SLMAP: variants seen among roughly 807,000 people sequenced by gnomAD.
The protein encoded by SLMAP is sarcolemma associated protein, also known as sarcolemmal membrane-associated protein.
A neutral mutation model predicts 128.8 loss-of-function variants in SLMAP; 44 were observed. The observed-to-expected ratio is 0.34, with a 90% CI of 0.27 to 0.44. SLMAP has a LOEUF of 0.44. Among genes scored for constraint, SLMAP ranks in the 20% least tolerant of loss-of-function variants. SLMAP has a pLI of 1.00. For missense variants in SLMAP, 787 were observed against 985.3 expected, an observed-to-expected ratio of 0.80 and a Z score of 2.69; for synonymous variants, 327 against 348.8, an observed-to-expected ratio of 0.94 and a Z score of 0.70.
In SLMAP at chr3:57,895,027, C is replaced by T. The variant is rs371142418; in HGVS notation, c.1361-1484C>T. Among the ~76,000 whole-genome samples the T allele has an allele frequency of 1.1e-4, 17 of 151,974 alleles. No homozygotes were observed. In the East Asian group the frequency reaches 2.7e-3, roughly 24 times the overall value. Reference sequence around the variant, plus strand: ...ATGCCATAGGCCAGGTGTGGTGGCTCACACCTGTAATTCTAGCACTTGGGA... The same window carrying T: ...ATGCCATAGGCCAGGTGTGGTGGCTTACACCTGTAATTCTAGCACTTGGGA... On this transcript the variant is annotated intron_variant, in intron 15 of 24. Transcript: ENST00000671191.
chr3:57,901,365 G>A (rs1287966860), intron 17 of SLMAP: 1 of 152,266 alleles, frequency 6.6e-6, no homozygotes, highest in Non-Finnish European at 1.5e-5. Context: ...AGCAGTCAAA[G>A]AAAAGAGAAT....
chr3:57,774,156 T>G (rs1360563233), intron 2 of SLMAP, among the ~76,000 whole-genome samples: 2 of 152,240 alleles, frequency 1.3e-5, no homozygotes, highest in East Asian at 3.8e-4. Context: ...AAACTGATAC[T>G]CTAAACTGAG....
chr3:57,905,330 G>A lies in SLMAP; in HGVS notation c.1502-2554G>A, dbSNP rs191438204. On this transcript the variant is annotated intron_variant, in intron 17 of 24. Transcript: ENST00000671191. Reference sequence around the variant, plus strand: ...AGAGTCTCACTCTGTTGCCCAGGCTGGAGTGCAGTGGCATGATCTCGGCTC... The same window carrying A: ...AGAGTCTCACTCTGTTGCCCAGGCTAGAGTGCAGTGGCATGATCTCGGCTC... Among the ~76,000 whole-genome samples the A allele has an allele frequency of 3.2e-3, 483 of 152,100 alleles. 3 individuals carry two copies. Among genetic ancestry groups the A allele is most frequent in the African/African-American group, 0.011 (462 of 41,512 alleles).
rs1380641886 is a variant in SLMAP, at chr3:57,909,143, T to A, written c.1692T>A (p.Val564=). Residue 564 remains valine, a synonymous_variant, in exon 19 of 25, where the codon GTT becomes GTA. Coordinates refer to ENST00000671191, the MANE Select transcript of SLMAP (RefSeq NM_001377540.1). ...QVEESTKQIQ[V]LQAQLQRLHI... is the part of the protein sequence containing the mutation. The stretch of plus-strand genomic sequence containing the variant: ...AGGAATCCACTAAACAAATACAGGT[T>A]CTTCAAGGTATGGAAGACCCCAAGG... 24 of 1,605,892 alleles carry A rather than the reference T, an allele frequency of 1.5e-5. No individual in the cohort carries two copies. Among genetic ancestry groups the A allele is most frequent in the Non-Finnish European group, 2.0e-5 (23 of 1,174,376 alleles).
chr3:57,823,627 C>T (rs1392013205), intron 2 of SLMAP, among the ~76,000 whole-genome samples: 1 of 152,180 alleles, frequency 6.6e-6, no homozygotes, highest in Non-Finnish European at 1.5e-5. Flanking sequence ...CATTGTTGGA[C>T]ATTTGGGTTG....
intron 2 of SLMAP, among the ~76,000 whole-genome samples, chr3:57,813,343 G>A (rs961708451): frequency 8.5e-5 from 13 of 152,050 alleles, no homozygotes; most frequent in Non-Finnish European, 1.3e-4. Flanking sequence ...AGATCCTCCC[G>A]CCTTGGCTTC....
Position 57,849,984 on chromosome 3 carries a change from G to C in SLMAP, c.519+168G>C, listed in dbSNP as rs532558414. Among the ~76,000 whole-genome samples, 4 of 152,168 alleles carry C rather than the reference G, an allele frequency of 2.6e-5. No individual in the cohort carries two copies. In the East Asian group the frequency reaches 7.7e-4, roughly 29 times the overall value. Reference sequence around the variant, plus strand: ...AGGCCAAGAGTTTGAGACCAACCTGGGCAATAAAGTGAGACCCCTTTAATT... The same window carrying C: ...AGGCCAAGAGTTTGAGACCAACCTGCGCAATAAAGTGAGACCCCTTTAATT... On this transcript the variant is annotated intron_variant, in intron 6 of 24. Coordinates refer to ENST00000671191, the MANE Select transcript of SLMAP (RefSeq NM_001377540.1).
chr3:57,797,775 A>C (rs776641831), intron 2 of SLMAP, among the ~76,000 whole-genome samples: 1 of 152,220 alleles, frequency 6.6e-6, no homozygotes, highest in African/African-American at 2.4e-5. Flanking sequence ...GATTAATTTT[A>C]TCTCTTCCTT....
chr3:57,759,223 G>T (rs937984135), intron 2 of SLMAP, among the ~76,000 whole-genome samples: 1 of 151,644 alleles, frequency 6.6e-6, no homozygotes, highest in Non-Finnish European at 1.5e-5. Context: ...CCCTTCACTC[G>T]CTCCTCGCAA....
intron 17 of SLMAP, among the ~76,000 whole-genome samples, chr3:57,904,792 A>T (rs1300527580): frequency 2.6e-5 from 4 of 152,190 alleles, no homozygotes; most frequent in Non-Finnish European, 5.9e-5. Flanking sequence ...GGGGTACTGA[A>T]TCTAGTCGAT....
intron 2 of SLMAP, among the ~76,000 whole-genome samples, chr3:57,761,101 A>G (rs2078545459): frequency 6.6e-6 from 1 of 151,566 alleles, no homozygotes; most frequent in Admixed American, 6.6e-5. Flanking sequence ...AGGTAATTAT[A>G]TAAATCACTT....
chr3:57,815,001 A>T (rs560863072), intron 2 of SLMAP, among the ~76,000 whole-genome samples: 260 of 152,170 alleles, frequency 1.7e-3, no homozygotes, highest in African/African-American at 5.9e-3. Flanking sequence ...ACCCCCCAAA[A>T]TTTGGGATTC....
intron 14 of SLMAP, among the ~76,000 whole-genome samples, chr3:57,888,394 G>GCGGGTGGAGGTCGC (rs2095962258): frequency 6.6e-6 from 1 of 152,066 alleles, no homozygotes; most frequent in Admixed American, 6.6e-5. Context: ...GGAGGCTGAG[G>GCGGGTGGAGGTCGC]CGGGTGGAGG....
At chr3:57,832,799 G>C (rs537507487) in intron 3 of SLMAP, among the ~76,000 whole-genome samples, 2 of 152,136 alleles carry the variant, frequency 1.3e-5, no homozygotes, top group Non-Finnish European at 2.9e-5. Context: ...CAGAAAGTTA[G>C]GTTTTGATAT....
chr3:57,798,010 GATAATA>G (rs1394785220), intron 2 of SLMAP, among the ~76,000 whole-genome samples: 1 of 152,158 alleles, frequency 6.6e-6, no homozygotes, highest in African/African-American at 2.4e-5. Flanking sequence ...GTAAAGTGCA[GATAATA>G]ATAATACCTC....
At chr3:57,797,275 G>T (rs1439841074) in intron 2 of SLMAP, among the ~76,000 whole-genome samples, 1 of 151,464 alleles carries the variant, frequency 6.6e-6, no homozygotes, top group African/African-American at 2.4e-5. Context: ...ACCTGAGGTC[G>T]GGAGTTTGAG....
intron 4 of SLMAP, among the ~76,000 whole-genome samples, chr3:57,843,703 CTT>C (rs1560200035): frequency 8.2e-5 from 11 of 133,674 alleles, no homozygotes; most frequent in African/African-American, 3.1e-4. Context: ...TCCTTCCTTC[CTT>C]TTCTTTCTTT....
intron 2 of SLMAP, among the ~76,000 whole-genome samples, chr3:57,767,554 A>C (rs760783048): frequency 1.3e-5 from 2 of 152,252 alleles, no homozygotes; most frequent in African/African-American, 2.4e-5. Flanking sequence ...GATTGGTGAT[A>C]TGAAATTATA....
intron 19 of SLMAP, 62 bp downstream of exon 19, chr3:57,909,212 A>T: frequency 8.1e-7 from 1 of 1,240,988 alleles, no homozygotes; most frequent in Admixed American, 2.1e-5. Flanking sequence ...GTGATTCAAA[A>T]GGAATGGAGG....
Sources: gnomAD v4.1 joint callset for allele counts (sites outside exome capture counted in the v4.1 genomes callset) on GRCh38, gnomAD v4.1.1 for gene constraint, MANE v1.5 for transcripts, NCBI Gene and HGNC (gene_info 2026-07-23, HGNC 2026-07-21) for gene names.